Variants in SGPP2 observed in about 807,000 individuals in gnomAD.
SGPP2 encodes sphingosine 1-phosphate phosphohydrolase 2.
A neutral mutation model predicts 33.9 loss-of-function variants in SGPP2; 30 were observed. The ratio of observed to expected loss-of-function variants is 0.89; its 90% CI spans 0.66 to 1.20. SGPP2 has a LOEUF of 1.20. SGPP2 is among the 50% of genes most tolerant of loss of function. SGPP2 has a pLI of 0.00. For missense variants in SGPP2, 458 were observed against 532.1 expected (o/e 0.86, Z 1.37); for synonymous variants, 233 against 225.0 (o/e 1.04, Z -0.32).
At chr2:222,461,507 T>C (rs1445104329) in intron 1 of SGPP2, among the ~76,000 whole-genome samples, 1 of 152,050 alleles carries the variant, frequency 6.6e-6, no homozygotes, top group Admixed American at 6.6e-5. Flanking sequence ...TCTATTATTA[T>C]TACATTGTAA....
At chr2:222,434,977 C>T (rs11688259) in intron 1 of SGPP2, among the ~76,000 whole-genome samples, 419 of 9,120 alleles carry the variant, frequency 0.046, 5 homozygotes, top group African/African-American at 0.11. Flanking sequence ...GAGATATATA[C>T]ACACACACAC....
chr2:222,439,851 T>C (rs1348546643), intron 1 of SGPP2, among the ~76,000 whole-genome samples: 1 of 152,184 alleles, frequency 6.6e-6, no homozygotes, highest in South Asian at 2.1e-4. Context: ...ATGTTCTGTC[T>C]TGATTGCACA....
intron 2 of SGPP2, among the ~76,000 whole-genome samples, chr2:222,483,424 C>A (rs1574854582): frequency 6.6e-6 from 1 of 151,930 alleles, no homozygotes; most frequent in African/African-American, 2.4e-5. Context: ...TGTTAAAGAG[C>A]TCAAGTTTAA....
At chr2:222,428,766 G>A (rs977591488) in intron 1 of SGPP2, among the ~76,000 whole-genome samples, 1 of 150,100 alleles carries the variant, frequency 6.7e-6, no homozygotes. Flanking sequence ...GCAGAGTGGG[G>A]GAAAAAAAAC....
chr2:222,474,024 C>A (rs545287560), intron 1 of SGPP2, among the ~76,000 whole-genome samples: 5 of 152,190 alleles, frequency 3.3e-5, no homozygotes, highest in African/African-American at 1.2e-4. Flanking sequence ...CTGAAGTACC[C>A]TGACTGATCA....
chr2:222,425,036 A>C (rs768376395), intron 1 of SGPP2, among the ~76,000 whole-genome samples: 16 of 152,214 alleles, frequency 1.1e-4, no homozygotes, highest in Admixed American at 2.0e-4. Context: ...GTCTATTGAG[A>C]TATCCCCAGA....
rs1354619811 is a variant in SGPP2, at chr2:222,477,392, T to TA, written c.378+2667dup. On this transcript the variant is annotated intron_variant, in intron 2 of 4. Transcript: ENST00000321276. This position sits in a 1 kb window ranked among gnomAD's most constrained non-coding sequence, Gnocchi z 6.0. ...GTGTATATAGGTGTGTATATATGTGTATAGGTGTGTATATATGTGTGTTTA... is the reference window on the plus strand; with the variant it reads ...GTGTATATAGGTGTGTATATATGTGTAATAGGTGTGTATATATGTGTGTTTA... Among the ~76,000 whole-genome samples, 1 of 151,370 alleles carries TA rather than the reference T, an allele frequency of 6.6e-6. No homozygotes were observed. The highest frequency in any genetic ancestry group is 2.4e-5 in the African/African-American group (1 of 40,898).
intron 1 of SGPP2, among the ~76,000 whole-genome samples, chr2:222,469,087 GTAA>G (rs909600367): frequency 7.9e-5 from 12 of 152,204 alleles, no homozygotes; most frequent in African/African-American, 2.7e-4. Flanking sequence ...GTAATAATGG[GTAA>G]TAATAATGTG....
At chr2:222,500,758 T>A (rs1376622270) in intron 2 of SGPP2, among the ~76,000 whole-genome samples, 1 of 152,226 alleles carries the variant, frequency 6.6e-6, no homozygotes, top group Admixed American at 6.5e-5. Flanking sequence ...TTGTTAGCCT[T>A]CATATTGAGT....
intron 2 of SGPP2, among the ~76,000 whole-genome samples, chr2:222,505,153 C>CT (rs1574866075): frequency 6.6e-6 from 1 of 152,198 alleles, no homozygotes; most frequent in Admixed American, 6.5e-5. Flanking sequence ...TTACTGCTTG[C>CT]TTACAGGCAC....
intron 1 of SGPP2, among the ~76,000 whole-genome samples, chr2:222,455,145 G>A (rs1425913922): frequency 2.0e-5 from 3 of 151,940 alleles, no homozygotes; most frequent in Admixed American, 1.3e-4. Context: ...CAAGGCGGGA[G>A]GATTGCTTGA....
At chr2:222,549,901 A>G (rs1689262612) in intron 4 of SGPP2, among the ~76,000 whole-genome samples, 1 of 146,048 alleles carries the variant, frequency 6.8e-6, no homozygotes, top group Admixed American at 6.9e-5. Context: ...TTTTTTTGAG[A>G]CAGTCTCACT....
intron 1 of SGPP2, among the ~76,000 whole-genome samples, chr2:222,448,934 T>C (rs1046051082): frequency 6.6e-6 from 1 of 152,140 alleles, no homozygotes. Context: ...GACCAGCTGT[T>C]CCCCATCTCC....
Position 222,473,676 on chromosome 2 carries a change from G to A in SGPP2, c.220-892G>A, listed in dbSNP as rs59103056. ...ACGGTGGCTCACGCCCGTAATCCCAGCACTTTGGGAGGCCGAGGTGGGTGG... is the reference window on the plus strand; with the variant it reads ...ACGGTGGCTCACGCCCGTAATCCCAACACTTTGGGAGGCCGAGGTGGGTGG... On this transcript the variant is annotated intron_variant, in intron 1 of 4. Coordinates refer to ENST00000321276, the MANE Select transcript of SGPP2 (RefSeq NM_152386.4). Among the ~76,000 whole-genome samples, 790 of 152,284 alleles carry A rather than the reference G, an allele frequency of 5.2e-3. 3 individuals are homozygous for A. The highest frequency in any genetic ancestry group is 0.018 in the African/African-American group (755 of 41,550).
At chr2:222,492,610 G>GA (rs1180566559) in intron 2 of SGPP2, among the ~76,000 whole-genome samples, 1 of 152,230 alleles carries the variant, frequency 6.6e-6, no homozygotes, top group Non-Finnish European at 1.5e-5. Flanking sequence ...CCAGATCTCT[G>GA]ACATGCTCTG....
At chr2:222,528,451 A>G (rs1332301603) in intron 4 of SGPP2, among the ~76,000 whole-genome samples, 1 of 152,196 alleles carries the variant, frequency 6.6e-6, no homozygotes, top group African/African-American at 2.4e-5. Context: ...AGCAATGTAC[A>G]TATAATATCT....
At chr2:222,438,604 T>G (rs1697279964) in intron 1 of SGPP2, among the ~76,000 whole-genome samples, 1 of 152,200 alleles carries the variant, frequency 6.6e-6, no homozygotes, top group South Asian at 2.1e-4. Context: ...CCAGGAGATG[T>G]GTTAATTTGC....
intron 2 of SGPP2, among the ~76,000 whole-genome samples, chr2:222,513,970 G>A (rs977411128): frequency 2.6e-5 from 4 of 152,274 alleles, no homozygotes; most frequent in African/African-American, 9.6e-5. Context: ...CATACAATGT[G>A]TGATCTTTTG....
At chr2:222,438,579 G>T (rs1328289086) in intron 1 of SGPP2, among the ~76,000 whole-genome samples, 1 of 152,218 alleles carries the variant, frequency 6.6e-6, no homozygotes, top group Non-Finnish European at 1.5e-5. Flanking sequence ...CAAGTCAGTG[G>T]TTGCATACCA....
Sources: allele counts gnomAD v4.1 joint callset (sites outside exome capture counted in the v4.1 genomes callset), GRCh38; gene constraint gnomAD v4.1.1; non-coding constraint Gnocchi (gnomAD v3.1); transcripts MANE v1.5; gene names NCBI Gene and HGNC (gene_info 2026-07-23, HGNC 2026-07-21).